Variants in SLC28A1 observed in about 807,000 individuals in gnomAD.
SLC28A1 encodes sodium/nucleoside cotransporter 1.
A neutral mutation model predicts 74.8 loss-of-function variants in SLC28A1; 64 were observed. The observed-to-expected ratio is 0.86, with a 90% CI of 0.70 to 1.05. SLC28A1 has a LOEUF of 1.05. Ranked by LOEUF, SLC28A1 falls within the 50% of genes least tolerant of loss-of-function variation. The probability of loss-of-function intolerance (pLI) is 0.00; values close to 1 mark genes in which losing one functional copy is unlikely to be tolerated. For missense variants in SLC28A1, 828 were observed against 822.8 expected, an observed-to-expected ratio of 1.01 and a Z score of -0.08; for synonymous variants, 359 against 335.0, an observed-to-expected ratio of 1.07 and a Z score of -0.78.
chr15:84,937,546 T>G (rs1321955188), intron 15 of SLC28A1, among the ~76,000 whole-genome samples: 1 of 152,346 alleles, frequency 6.6e-6, no homozygotes, highest in African/African-American at 2.4e-5. Context: ...TGGGAAGCCC[T>G]TTCTCTTGTC....
In SLC28A1 at chr15:84,895,124, G is replaced by A; in HGVS notation, c.461+1G>A. On this transcript the variant is annotated splice_donor_variant, in intron 6 of 18. Transcript: ENST00000394573. LOFTEE classifies it high-confidence loss of function. Reference sequence around the variant, plus strand: ...CCCGCCTGCTGCTCTGGTTTAAGAGGTGAGTGAGCTCACAGCCCCGAGGCA... The same window carrying A: ...CCCGCCTGCTGCTCTGGTTTAAGAGATGAGTGAGCTCACAGCCCCGAGGCA... 1 of 1,613,844 alleles carries A rather than the reference G, an allele frequency of 6.2e-7. No homozygotes were observed. The highest frequency in any genetic ancestry group is 2.2e-5 in the East Asian group (1 of 44,884).
rs201929647 is a variant in SLC28A1 at position 84,933,325 on chromosome 15, G to A, written c.1214+50G>A. The A allele has an allele frequency of 8.6e-5, 138 of 1,599,650 alleles. 1 individual carries two copies. The East Asian group carries it at 2.8e-3, about 33-fold the overall frequency. The stretch of plus-strand genomic sequence containing the variant: ...GACAGGGTAGTGGTACAAGGTGGGG[G>A]GAGCAAAGCAGAGGGTCCCGTTCTC... On this transcript the variant is annotated intron_variant, in intron 13 of 18. Coordinates refer to ENST00000394573, the MANE Select transcript of SLC28A1 (RefSeq NM_004213.5).
Position 84,923,525 on chromosome 15 carries a change from A to G in SLC28A1, c.958-460A>G, listed in dbSNP as rs181283688. On this transcript the variant is annotated intron_variant, in intron 11 of 18. Transcript: ENST00000394573. ...GGGCTGCCCAGATGCCCAGAAATGC[A>G]CCCCTCATCCAATGCCCAAGCTCCT... Among the ~76,000 whole-genome samples the G allele has an allele frequency of 3.3e-5, 5 of 152,054 alleles. No homozygotes were observed. In the East Asian group the frequency reaches 9.7e-4, roughly 30 times the overall value.
Position 84,888,849 on chromosome 15 carries a change from C to T in SLC28A1, c.174C>T (p.Pro58=), listed in dbSNP as rs1188908050. The change falls in exon 4 of 19, where the codon CCC becomes CCT. Residue 58 remains proline (P), a synonymous_variant. Coordinates refer to ENST00000394573, the MANE Select transcript of SLC28A1 (RefSeq NM_004213.5). ...GCTGGAGCGAGGCGGCGCCGAAGCC[C>T]TTCTCCAGATGGTAGGTGATCTCTG... ...RSSWSEAAPK[P]FSRWRNLQPA... is the part of the protein sequence containing the mutation. 6 of 1,551,906 alleles carry T rather than the reference C, an allele frequency of 3.9e-6. No homozygotes were observed. The highest frequency in any genetic ancestry group is 4.4e-6 in the Non-Finnish European group (5 of 1,146,946).
intron 6 of SLC28A1, among the ~76,000 whole-genome samples, chr15:84,900,389 G>A (rs1166175680): frequency 4.9e-5 from 6 of 122,340 alleles, no homozygotes; most frequent in African/African-American, 2.0e-4. Flanking sequence ...GAGACAGAGT[G>A]AGACACTGTC....
At chr15:84,946,878 C>A (rs1167237219), downstream of SLC28A1, among the ~76,000 whole-genome samples, 1 of 152,206 alleles carries the variant, frequency 6.6e-6, no homozygotes, top group Non-Finnish European at 1.5e-5. Flanking sequence ...TTTTCCCCAG[C>A]AGCTTTGGCT....
the SLC28A1 span, among the ~76,000 whole-genome samples, chr15:84,964,425 C>A: frequency 2.0e-5 from 3 of 152,226 alleles, no homozygotes; most frequent in East Asian, 5.8e-4. Context: ...CAGAGATCAC[C>A]TATTCCTTCC....
chr15:84,965,220 A>G, the SLC28A1 span, among the ~76,000 whole-genome samples: 1 of 152,068 alleles, frequency 6.6e-6, no homozygotes, highest in Non-Finnish European at 1.5e-5. Context: ...TTTGCTTGGC[A>G]CTTCTCCTTC....
At position 84,924,005 on chromosome 15, in the gene SLC28A1, C is replaced by T. The variant is rs762020765; in HGVS notation, c.978C>T (p.Ile326=). 6.2e-7 allele frequency: 1 copy of T among 1,613,980 alleles called. No individual in the cohort carries two copies. Residue 326 remains isoleucine (I), a synonymous_variant, in exon 12 of 19, where the codon ATC becomes ATT. Transcript: ENST00000394573. The part of the protein sequence containing the change: ...FVSQTEAPLL[I]RPYLADMTLS... ...TGCAGACCGAGGCTCCATTACTGAT[C>T]CGGCCCTACTTGGCAGACATGACAC...
the SLC28A1 span, among the ~76,000 whole-genome samples, chr15:84,972,052 C>T: frequency 1.7e-3 from 262 of 152,354 alleles, 1 homozygote; most frequent in African/African-American, 6.1e-3. Flanking sequence ...TTATTCCAGG[C>T]ACCCATACAT....
intron 9 of SLC28A1, among the ~76,000 whole-genome samples, chr15:84,910,481 C>T (rs530917074): frequency 1.4e-4 from 21 of 152,316 alleles, no homozygotes; most frequent in Non-Finnish European, 2.4e-4. Flanking sequence ...GTAATCCTAG[C>T]ACTTTGGGAG....
At chr15:84,960,228 C>CTTTTTTTTTTTT in the SLC28A1 span, among the ~76,000 whole-genome samples, 5 of 85,584 alleles carry the variant, frequency 5.8e-5, no homozygotes, top group Admixed American at 1.3e-4. Flanking sequence ...TGCCTGCCTG[C>CTTTTTTTTTTTT]TTTTTTTTTT....
At chr15:84,958,850 A>T in the SLC28A1 span, among the ~76,000 whole-genome samples, 1 of 152,124 alleles carries the variant, frequency 6.6e-6, no homozygotes, top group East Asian at 2.0e-4. Flanking sequence ...CTGTAATCCC[A>T]GCACTTTGAG....
chr15:84,900,662 G>A (rs138946250), intron 6 of SLC28A1, among the ~76,000 whole-genome samples: 142 of 152,232 alleles, frequency 9.3e-4, no homozygotes, highest in East Asian at 7.7e-3. Flanking sequence ...AAATTAGCCA[G>A]GTATGGTGGT....
At chr15:84,898,140 T>G (rs1751616738) in intron 6 of SLC28A1, among the ~76,000 whole-genome samples, 1 of 149,064 alleles carries the variant, frequency 6.7e-6, no homozygotes, top group Non-Finnish European at 1.5e-5. Flanking sequence ...TTTTTTTTTT[T>G]TTCATATATA....
chr15:84,927,870 A>C (rs1413772175), intron 12 of SLC28A1, among the ~76,000 whole-genome samples: 4 of 150,592 alleles, frequency 2.7e-5, no homozygotes, highest in Admixed American at 6.7e-5. Flanking sequence ...TGGAAACCCA[A>C]AACTTTGTTC....
chr15:84,933,372 C>A, intron 13 of SLC28A1, 97 bp downstream of exon 13: 1 of 1,435,976 alleles, frequency 7.0e-7, no homozygotes, highest in Non-Finnish European at 9.6e-7. Context: ...CTGTCTTCCA[C>A]TAGCCTGGGC....
At chr15:84,893,597 C>T (rs1965612817) in intron 5 of SLC28A1, among the ~76,000 whole-genome samples, 1 of 152,158 alleles carries the variant, frequency 6.6e-6, no homozygotes, top group Admixed American at 6.5e-5. Context: ...CATTACTCCT[C>T]AAGTGTCTCC....
chr15:84,949,026 CAAATCTT>C (rs1216482804), downstream of SLC28A1, among the ~76,000 whole-genome samples: 2 of 152,164 alleles, frequency 1.3e-5, no homozygotes, highest in Non-Finnish European at 2.9e-5. Flanking sequence ...TTTAAAAAGT[CAAATCTT>C]AAAACTTATA....
Sources: gnomAD v4.1 joint callset for allele counts (sites outside exome capture counted in the v4.1 genomes callset) on GRCh38, gnomAD v4.1.1 for gene constraint, MANE v1.5 for transcripts, NCBI Gene and HGNC (gene_info 2026-07-23, HGNC 2026-07-21) for gene names.